Variants in TEP1 observed in about 807,000 individuals in gnomAD.
TEP1 encodes telomerase protein component 1.
A neutral mutation model predicts 306.3 loss-of-function variants in TEP1; 241 were observed. The observed-to-expected ratio is 0.79, with a 90% CI of 0.71 to 0.88. The LOEUF is 0.88. Ranked by LOEUF, TEP1 falls within the 40% of genes least tolerant of loss-of-function variation. TEP1 has a pLI of 0.00. For synonymous variants in TEP1, 1,289 were observed against 1,305.5 expected, an observed-to-expected ratio of 0.99 and a Z score of 0.27; for missense variants, 3,051 against 3,276.1, an observed-to-expected ratio of 0.93 and a Z score of 1.68.
chr14:20,369,667 C>T lies in TEP1; in HGVS notation c.7423+7G>A. On this transcript the variant is annotated splice_region_variant and intron_variant, in intron 52 of 54. Coordinates refer to ENST00000262715, the MANE Select transcript of TEP1 (RefSeq NM_007110.5). ...CCGGCTCCTCAGGTCCTCCTGTTAC[C>T]ACTCACCAGATTCAGGTTTGGCTTG... 1.2e-6 allele frequency: 2 copies of T among 1,613,756 alleles called. No homozygotes were observed. The highest frequency in any genetic ancestry group is 1.7e-6 in the Non-Finnish European group (2 of 1,179,678).
chr14:20,384,972 C>A lies in TEP1; in HGVS notation c.3107+13G>T, dbSNP rs370409037. On this transcript the variant is annotated intron_variant, in intron 21 of 54. Transcript: ENST00000262715. ...TGGGGAAGGAGCCCCAGCCTGCAGG[C>A]AACAGACAGTACCTGAGGAAGCTGG... 3.0e-5 allele frequency: 49 copies of A among 1,614,060 alleles called. No homozygotes were observed. The African/African-American group carries it at 5.2e-4, about 17-fold the overall frequency.
intron 4 of TEP1, 72 bp downstream of exon 4, chr14:20,405,379 C>A (rs949380349): frequency 1.3e-6 from 2 of 1,577,066 alleles, no homozygotes; most frequent in African/African-American, 1.3e-5. Flanking sequence ...AGTCACCACC[C>A]CGCCACACAC....
At chr14:20,412,192 C>T (rs112895188) in intron 1 of TEP1, among the ~76,000 whole-genome samples, 25 of 152,226 alleles carry the variant, frequency 1.6e-4, no homozygotes, top group African/African-American at 6.0e-4. Flanking sequence ...GCTTCTGTGC[C>T]CAATACACTT....
Position 20,382,723 on chromosome 14 carries a change from G to T in TEP1, c.4048-8C>A, listed in dbSNP as rs755927672. 4 of 1,613,840 alleles carry T rather than the reference G, an allele frequency of 2.5e-6. No individual in the cohort carries two copies. In the African/African-American group the frequency reaches 4.0e-5, roughly 16 times the overall value. On this transcript the variant is annotated splice_polypyrimidine_tract_variant and splice_region_variant and intron_variant, in intron 27 of 54. Coordinates refer to ENST00000262715, the MANE Select transcript of TEP1 (RefSeq NM_007110.5). ...CACCAGCAGCAGTCGCATCTGGCAA[G>T]ACTCAGGACTCAGGGTGGGGTCCAG...
intron 2 of TEP1, among the ~76,000 whole-genome samples, chr14:20,406,716 T>C (rs547563378): frequency 5.6e-4 from 86 of 152,358 alleles, no homozygotes; most frequent in Middle Eastern, 3.4e-3. Flanking sequence ...TAGTAAGATG[T>C]TTTGGGGGTC....
At chr14:20,408,816 A>T (rs1424105184) in intron 1 of TEP1, among the ~76,000 whole-genome samples, 2 of 151,908 alleles carry the variant, frequency 1.3e-5, no homozygotes, top group Non-Finnish European at 2.9e-5. Flanking sequence ...AGTTTTAAAA[A>T]ATAAAAAATA....
In TEP1 at chr14:20,396,623, C is replaced by A. The variant is rs1878223489; in HGVS notation, c.1657G>T (p.Ala553Ser). The A allele has an allele frequency of 6.2e-7, 1 of 1,606,144 alleles. No homozygotes were observed. Among genetic ancestry groups the A allele is most frequent in the Non-Finnish European group, 8.5e-7 (1 of 1,173,564 alleles). Residue 553 changes from alanine (A) to serine (S), a missense_variant and splice_region_variant, in exon 10 of 55, where the codon GCG becomes TCG. Physicochemically the swap from Ala to Ser is moderately conservative, Grantham distance 99. This residue lies in a region of TEP1 where 1,507 missense variants were observed against 1,550.5 expected (regional missense o/e 0.97). Coordinates refer to ENST00000262715, the MANE Select transcript of TEP1 (RefSeq NM_007110.5). The stretch of plus-strand genomic sequence containing the variant: ...GGCTACCAGCCCCTCACACATACCG[C>A]ATGCTGGAGTCTCTGGAGAATGAGC... Reference protein sequence around the residue: ...HELILQRLQHAKSVIHSRQFP... With the variant: ...HELILQRLQHSKSVIHSRQFP...
At chr14:20,400,777 G>T in intron 9 of TEP1, 1 of 590,098 alleles carries the variant, frequency 1.7e-6, no homozygotes, top group Non-Finnish European at 2.9e-6. Flanking sequence ...ACTACATCTG[G>T]TATAATGATC....
At chr14:20,405,999 G>A (rs1195297284) in intron 3 of TEP1, among the ~76,000 whole-genome samples, 1 of 135,870 alleles carries the variant, frequency 7.4e-6, no homozygotes, top group Non-Finnish European at 1.5e-5. Flanking sequence ...GTGACAGAGT[G>A]AGACTCCATC....
Position 20,365,869 on chromosome 14 carries a change from T to C in TEP1, c.*2568A>G, listed in dbSNP as rs943206621. 1.3e-5 allele frequency: 2 copies of C among 152,150 alleles called. No homozygotes were observed. The highest frequency in any genetic ancestry group is 3.8e-4 in the East Asian group (2 of 5,202). 9.4% of individuals were successfully genotyped at this position (152,150 alleles called of 1,614,324 possible). Reference sequence around the variant, plus strand: ...CAGATGTGGATATATGTGTAAAAATTTGGTATATAAAAAAGATGCTTTTCT... The same window carrying C: ...CAGATGTGGATATATGTGTAAAAATCTGGTATATAAAAAAGATGCTTTTCT... On this transcript the variant is annotated 3_prime_UTR_variant, in exon 55 of 55. Transcript: ENST00000262715.
At chr14:20,385,913 T>C (rs1877104453) in intron 20 of TEP1, among the ~76,000 whole-genome samples, 162 bp downstream of exon 20, 1 of 152,240 alleles carries the variant, frequency 6.6e-6, no homozygotes, top group Non-Finnish European at 1.5e-5. Context: ...TTTTCTCATC[T>C]AGAGCATGGT....
chr14:20,400,497 C>CAAA lies in TEP1; in HGVS notation c.1549+484_1549+486dup, dbSNP rs71108598. Among the ~76,000 whole-genome samples the CAAA allele has an allele frequency of 1.3e-3, 108 of 85,438 alleles. 1 individual carries two copies. Among genetic ancestry groups the CAAA allele is most frequent in the African/African-American group, 3.5e-3 (100 of 28,428 alleles). The allele number at this position is 85,438 out of a possible 152,430, so 56.1% of individuals were successfully genotyped here. Reference sequence around the variant, plus strand: ...GAGCCTGCTATAGGTAAAAGTAGACCAAAAAAAAAAAAAAAAAAAAAAAAA... The same window carrying CAAA: ...GAGCCTGCTATAGGTAAAAGTAGACCAAAAAAAAAAAAAAAAAAAAAAAAAAAA... On this transcript the variant is annotated intron_variant, in intron 9 of 54. Transcript: ENST00000262715.
Position 20,383,732 on chromosome 14 carries a change from G to A in TEP1, c.3710+11C>T. 2 of 1,610,432 alleles carry A rather than the reference G, an allele frequency of 1.2e-6. No homozygotes were observed. The highest frequency in any genetic ancestry group is 3.3e-4 in the Middle Eastern group (2 of 6,052). ...GCATCAACAAGGCTGGGCTCATTGG[G>A]GGATACCCACCGGTAGGTGCTGGGG... On this transcript the variant is annotated intron_variant, in intron 25 of 54. Transcript: ENST00000262715.
In TEP1 at chr14:20,384,045, G is replaced by C; in HGVS notation, c.3527C>G (p.Ala1176Gly). The C allele has an allele frequency of 6.2e-7, 1 of 1,604,086 alleles. No homozygotes were observed. Among genetic ancestry groups the C allele is most frequent in the East Asian group, 2.2e-5 (1 of 44,796 alleles). ...GCCCCTGAGACTCTGTACCAGGAAG[G>C]CTGTCTTGCCCTGTCCTGACTGCCC... ...VTGQSGQGKT[A>G]FLASLVSALQ... The change falls in exon 24 of 55, where the codon GCC (alanine) becomes GGC (glycine). Residue 1176 changes from alanine to glycine, a missense_variant. Physicochemically the swap from Ala to Gly is moderately conservative, Grantham distance 60 (BLOSUM62 0). This residue lies in a region of TEP1 where 1,507 missense variants were observed against 1,550.5 expected (regional missense o/e 0.97). Coordinates refer to ENST00000262715, the MANE Select transcript of TEP1 (RefSeq NM_007110.5).
At chr14:20,384,835 C>T in intron 21 of TEP1, 122 bp from the exon 22 acceptor site, 1 of 1,486,826 alleles carries the variant, frequency 6.7e-7, no homozygotes, top group South Asian at 1.2e-5. Context: ...CTGACTCCAG[C>T]ACCAAGGCTG....
chr14:20,395,612 G>A lies in TEP1; in HGVS notation c.1766C>T (p.Ser589Leu), dbSNP rs143898219. 1.0e-5 allele frequency: 16 copies of A among 1,601,104 alleles called. No homozygotes were observed. In the African/African-American group the frequency reaches 1.6e-4, roughly 16 times the overall value. Residue 589 changes from serine to leucine, a missense_variant, in exon 12 of 55, where the codon TCG becomes TTG. By Grantham distance (145) the Ser-to-Leu change is moderately radical. This residue lies in a region of TEP1 where 1,507 missense variants were observed against 1,550.5 expected (regional missense o/e 0.97). Transcript: ENST00000262715. Reference protein sequence around the residue: ...QLRNQALPFPSNITLMRRILT... With the variant: ...QLRNQALPFPLNITLMRRILT... Reference sequence around the variant, plus strand: ...TATCCGCCTCATCAGTGTTATATTCGAAGGAAAGGGCAATGCTGTATGATG... The same window carrying A: ...TATCCGCCTCATCAGTGTTATATTCAAAGGAAAGGGCAATGCTGTATGATG...
chr14:20,369,895 C>T, intron 51 of TEP1, 116 bp from the exon 52 acceptor site: 1 of 711,006 alleles, frequency 1.4e-6, no homozygotes. Flanking sequence ...TTAACTACAA[C>T]TTAGATACAA....
At position 20,401,359 on chromosome 14, in the gene TEP1, T is replaced by C. The variant is rs1878722965; in HGVS notation, c.1391+98A>G. On this transcript the variant is annotated intron_variant, in intron 8 of 54. Transcript: ENST00000262715. The stretch of plus-strand genomic sequence containing the variant: ...TACAGGGCATGTCTGTCTAAAGTCA[T>C]GTTGCTGGGTTTGAGAACTACTGGG... 6 of 1,534,634 alleles carry C rather than the reference T, an allele frequency of 3.9e-6. No individual in the cohort carries two copies. The East Asian group carries it at 9.2e-5, about 23-fold the overall frequency.
rs752505594 is a variant in TEP1, at chr14:20,382,720, C to T, written c.4048-5G>A. ...CTTCACCAGCAGCAGTCGCATCTGGCAAGACTCAGGACTCAGGGTGGGGTC... is the reference window on the plus strand; with the variant it reads ...CTTCACCAGCAGCAGTCGCATCTGGTAAGACTCAGGACTCAGGGTGGGGTC... On this transcript the variant is annotated splice_polypyrimidine_tract_variant and splice_region_variant and intron_variant, in intron 27 of 54. Coordinates refer to ENST00000262715, the MANE Select transcript of TEP1 (RefSeq NM_007110.5). 5.0e-6 allele frequency: 8 copies of T among 1,613,794 alleles called. No homozygotes were observed. In the Admixed American group the frequency reaches 8.3e-5, roughly 17 times the overall value.
Sources: gnomAD v4.1 joint callset for allele counts (sites outside exome capture counted in the v4.1 genomes callset) on GRCh38, gnomAD v4.1.1 for gene constraint, gnomAD v4.1.1 regional missense constraint, MANE v1.5 for transcripts, NCBI Gene and HGNC (gene_info 2026-07-23, HGNC 2026-07-21) for gene names.